The following UGP2 variants were observed in gnomAD, a reference collection of about 807,000 sequenced individuals.
UGP2 encodes the protein UDP-glucose pyrophosphorylase 2.
UGP2 carries 40 observed loss-of-function variants against 49.0 expected under a neutral mutation model. The observed-to-expected ratio is 0.82, with a 90% CI of 0.63 to 1.06. The LOEUF (loss-of-function observed/expected upper bound fraction) is 1.06, where lower values mean the gene tolerates loss of function less well. Ranked by LOEUF, UGP2 falls within the 50% of genes least tolerant of loss-of-function variation. The pLI, the probability that UGP2 is intolerant of heterozygous loss-of-function variation, is 0.00. For synonymous variants in UGP2, 225 were observed against 213.0 expected, an observed-to-expected ratio of 1.06 and a Z score of -0.49; for missense variants, 460 against 603.5, an observed-to-expected ratio of 0.76 and a Z score of 2.49.
At position 63,891,401 on chromosome 2, in the gene UGP2, A is replaced by T; in HGVS notation, c.*174A>T. On this transcript the variant is annotated 3_prime_UTR_variant, in exon 10 of 10. Transcript: ENST00000337130. Reference sequence around the variant, plus strand: ...GTCTAAGAAAAGCACAGATGGAGCAATACTTTCCTTCTTTGAAGAGAATCC... The same window carrying T: ...GTCTAAGAAAAGCACAGATGGAGCATTACTTTCCTTCTTTGAAGAGAATCC... 2.3e-6 allele frequency: 1 copy of T among 434,838 alleles called. No homozygotes were observed. The highest frequency in any genetic ancestry group is 3.7e-5 in the East Asian group (1 of 27,322). 26.9% of individuals were successfully genotyped at this position (434,838 alleles called of 1,614,324 possible). A position where few individuals can be genotyped will look rare whatever the true frequency, so the allele number is the denominator to read the frequency against.
intron 2 of UGP2, chr2:63,856,912 T>A (rs912948493): frequency 4.8e-5 from 21 of 433,008 alleles, no homozygotes; most frequent in Admixed American, 1.1e-4. Flanking sequence ...TATTTCAATT[T>A]ATACTTAATG....
intron 3 of UGP2, among the ~76,000 whole-genome samples, chr2:63,862,426 G>A (rs1274330530): frequency 6.6e-6 from 1 of 151,960 alleles, no homozygotes; most frequent in Non-Finnish European, 1.5e-5. Flanking sequence ...AATTTCCCTC[G>A]GGATTACCTT....
chr2:63,864,058 AT>A (rs1321310386), intron 3 of UGP2, among the ~76,000 whole-genome samples: 1 of 152,200 alleles, frequency 6.6e-6, no homozygotes, highest in African/African-American at 2.4e-5. Context: ...AGCTTTAAGC[AT>A]TTTTCCTTTT....
At chr2:63,845,796 T>A (rs1306940136) in intron 1 of UGP2, among the ~76,000 whole-genome samples, 1 of 152,196 alleles carries the variant, frequency 6.6e-6, no homozygotes, top group African/African-American at 2.4e-5. Context: ...ATGGTTGCTA[T>A]ACTTGGCTTG....
chr2:63,882,442 C>A, intron 3 of UGP2, 24 bp from the exon 4 acceptor site: 1 of 1,539,180 alleles, frequency 6.5e-7, no homozygotes, highest in South Asian at 1.3e-5. Context: ...TTAAATTACT[C>A]CTATAATGTT....
intron 1 of UGP2, among the ~76,000 whole-genome samples, chr2:63,848,361 A>ATATT (rs1395440702): frequency 6.6e-6 from 1 of 152,018 alleles, no homozygotes; most frequent in Admixed American, 6.6e-5. Context: ...TACTTCTTAG[A>ATATT]TATTTATTTA....
intron 3 of UGP2, among the ~76,000 whole-genome samples, chr2:63,874,811 TTTCTTGCTTCCCACCATGTGA>T (rs1340956825): frequency 6.6e-6 from 1 of 152,004 alleles, no homozygotes; most frequent in Non-Finnish European, 1.5e-5. Context: ...CCTCCCTTTT[TTTCTTGCTTCCCACCATGTGA>T]TCTCTACAAA....
rs746547762 is a variant in UGP2 at position 63,890,193 on chromosome 2, G to A, written c.1419+8G>A. 15 of 1,577,424 alleles carry A rather than the reference G, an allele frequency of 9.5e-6. No homozygotes were observed. Among genetic ancestry groups the A allele is most frequent in the Non-Finnish European group, 1.3e-5 (15 of 1,156,272 alleles). On this transcript the variant is annotated splice_region_variant and intron_variant, in intron 9 of 9. Coordinates refer to ENST00000337130, the MANE Select transcript of UGP2 (RefSeq NM_006759.4). ...AAAAATGTTTCATTAAAGGTATGTTGTTACAATGAAAATTATATTTCTTAC... is the reference window on the plus strand; with the variant it reads ...AAAAATGTTTCATTAAAGGTATGTTATTACAATGAAAATTATATTTCTTAC...
chr2:63,850,151 G>A (rs1285660174), intron 1 of UGP2, among the ~76,000 whole-genome samples: 1 of 151,956 alleles, frequency 6.6e-6, no homozygotes, highest in Non-Finnish European at 1.5e-5. Flanking sequence ...ATAAGAGTAG[G>A]GTTAATTTTA....
At chr2:63,842,509 C>G (rs776240806) in intron 1 of UGP2, 2 of 1,535,296 alleles carry the variant, frequency 1.3e-6, no homozygotes, top group South Asian at 2.4e-5. Flanking sequence ...GCTAATTAAT[C>G]CTTGTTCTCT....
chr2:63,848,564 A>G (rs1004350014), intron 1 of UGP2, among the ~76,000 whole-genome samples: 3 of 152,148 alleles, frequency 2.0e-5, no homozygotes, highest in Non-Finnish European at 2.9e-5. Context: ...GGGTTTCACC[A>G]TGTTGGCCAG....
At chr2:63,888,501 A>G (rs1223722570) in intron 8 of UGP2, 1 of 152,250 alleles carries the variant, frequency 6.6e-6, no homozygotes, top group Non-Finnish European at 1.5e-5. Flanking sequence ...TAAAAACAAG[A>G]TAATTCTTGA....
intron 1 of UGP2, among the ~76,000 whole-genome samples, chr2:63,854,418 C>G (rs904134555): frequency 1.3e-5 from 2 of 152,164 alleles, no homozygotes; most frequent in African/African-American, 4.8e-5. Context: ...CACAACTGTC[C>G]TTGTCAGAAG....
At chr2:63,886,943 C>T (rs1265406296) in intron 7 of UGP2, among the ~76,000 whole-genome samples, 1 of 152,156 alleles carries the variant, frequency 6.6e-6, no homozygotes, top group East Asian at 1.9e-4. Flanking sequence ...AAGAGTTTGG[C>T]ATATGATAGG....
chr2:63,890,421 C>T (rs527547868), intron 9 of UGP2, among the ~76,000 whole-genome samples: 253 of 152,118 alleles, frequency 1.7e-3, no homozygotes, highest in Non-Finnish European at 2.5e-3. Flanking sequence ...CTGAATATAA[C>T]CTATTAAAGG....
At chr2:63,889,482 A>G (rs1332535548) in intron 8 of UGP2, 1 of 152,380 alleles carries the variant, frequency 6.6e-6, no homozygotes, top group Non-Finnish European at 1.5e-5. Flanking sequence ...CTAGGAAGGC[A>G]GAGTAATGGG....
chr2:63,870,810 A>C (rs1175071423), intron 3 of UGP2, among the ~76,000 whole-genome samples: 4 of 152,216 alleles, frequency 2.6e-5, no homozygotes, highest in African/African-American at 9.7e-5. Flanking sequence ...ACAGTCTTAT[A>C]ATAGAGCCAG....
intron 3 of UGP2, 28 bp downstream of exon 3, chr2:63,857,964 T>C (rs1343868584): frequency 2.5e-6 from 4 of 1,606,552 alleles, no homozygotes; most frequent in East Asian, 4.5e-5. Context: ...TGTAGGAAAA[T>C]GTAGGGTAAT....
At chr2:63,855,434 G>C (rs769296297) in intron 1 of UGP2, 1 of 478,370 alleles carries the variant, frequency 2.1e-6, no homozygotes, top group Non-Finnish European at 4.2e-6. Flanking sequence ...AAGTAAATAA[G>C]ATGATTACTT....
Sources: gnomAD v4.1 joint callset for allele counts (sites outside exome capture counted in the v4.1 genomes callset) on GRCh38, gnomAD v4.1.1 for gene constraint, MANE v1.5 for transcripts, NCBI Gene and HGNC (gene_info 2026-07-23, HGNC 2026-07-21) for gene names.